The following GLIS3 variants were observed in gnomAD, a reference collection of about 807,000 sequenced individuals.
GLIS3 encodes the protein zinc finger protein GLIS3.
GLIS3 carries 53 observed loss-of-function variants against 78.6 expected under a neutral mutation model. That is an observed-to-expected ratio of 0.67 (90% CI 0.54 to 0.85). The LOEUF is 0.85. GLIS3 is among the 40% of genes least tolerant of loss of function. The pLI is 0.00. For synonymous variants in GLIS3, 684 were observed against 509.9 expected, an observed-to-expected ratio of 1.34 and a Z score of -4.60; for missense variants, 1,703 against 1,231.1, an observed-to-expected ratio of 1.38 and a Z score of -5.74.
At chr9:4,267,076 C>T (rs914782632) in intron 2 of GLIS3, among the ~76,000 whole-genome samples, 1 of 152,110 alleles carries the variant, frequency 6.6e-6, no homozygotes, top group African/African-American at 2.4e-5. Flanking sequence ...AATGCATGAG[C>T]GTAAAGGTGA....
chr9:4,119,896 G>C (rs1475692071), intron 3 of GLIS3, among the ~76,000 whole-genome samples: 1 of 152,192 alleles, frequency 6.6e-6, no homozygotes. Flanking sequence ...CTAACTTTAA[G>C]TGTGAAAATA....
intron 2 of GLIS3, among the ~76,000 whole-genome samples, chr9:4,215,310 G>A (rs919472175): frequency 6.9e-6 from 1 of 144,800 alleles, no homozygotes; most frequent in East Asian, 2.0e-4. Flanking sequence ...GGAGAGATGA[G>A]AGGAGTGTGT....
chr9:4,341,171 C>T (rs566712493), intron 2 of GLIS3, among the ~76,000 whole-genome samples: 53 of 152,326 alleles, frequency 3.5e-4, no homozygotes, highest in African/African-American at 1.1e-3. Flanking sequence ...GATCCACAGG[C>T]TTGTGCAATA....
intron 6 of GLIS3, among the ~76,000 whole-genome samples, chr9:3,910,239 A>C (rs943438684): frequency 2.0e-5 from 3 of 152,254 alleles, no homozygotes; most frequent in African/African-American, 7.2e-5. Context: ...AAGCTTCAAA[A>C]TGCTGTAGTA....
chr9:3,988,425 T>C (rs1276201345), intron 4 of GLIS3, among the ~76,000 whole-genome samples: 1 of 152,138 alleles, frequency 6.6e-6, no homozygotes, highest in African/African-American at 2.4e-5. Context: ...AAGACGATGA[T>C]AAAAATGGGA....
intron 2 of GLIS3, among the ~76,000 whole-genome samples, chr9:4,190,048 A>G (rs577732285): frequency 6.6e-6 from 1 of 152,282 alleles, no homozygotes; most frequent in South Asian, 2.1e-4. Flanking sequence ...ACCATCATCA[A>G]AGACCAAAAG....
At chr9:3,918,994 T>A (rs968738306) in intron 6 of GLIS3, among the ~76,000 whole-genome samples, 4 of 152,068 alleles carry the variant, frequency 2.6e-5, no homozygotes, top group African/African-American at 9.7e-5. Flanking sequence ...CCTACATATA[T>A]GGAAGAGGGT....
intron 2 of GLIS3, among the ~76,000 whole-genome samples, chr9:4,318,018 G>A (rs1817466464): frequency 6.6e-6 from 1 of 152,190 alleles, no homozygotes; most frequent in Admixed American, 6.5e-5. Flanking sequence ...TGTGTATAAT[G>A]TCAGAAAAGC....
At chr9:4,102,339 G>T (rs10974334) in intron 4 of GLIS3, among the ~76,000 whole-genome samples, 98,523 of 152,058 alleles carry the variant, frequency 0.65, 35,754 homozygotes, top group East Asian at 0.95. Flanking sequence ...TAAGCGAAGT[G>T]GTTTTTTAAG....
intron 4 of GLIS3, among the ~76,000 whole-genome samples, chr9:3,943,092 C>G (rs1267042584): frequency 6.6e-6 from 1 of 152,144 alleles, no homozygotes; most frequent in Non-Finnish European, 1.5e-5. Context: ...TCTGATTTTG[C>G]TTCTCCTTCG....
the GLIS3 span, among the ~76,000 whole-genome samples, chr9:4,452,830 AC>A: frequency 6.6e-6 from 1 of 151,504 alleles, no homozygotes; most frequent in East Asian, 1.9e-4. Context: ...TTCATATGGA[AC>A]CAAAAAAGAG....
At chr9:3,870,202 C>G (rs1024074781) in intron 8 of GLIS3, among the ~76,000 whole-genome samples, 1 of 152,050 alleles carries the variant, frequency 6.6e-6, no homozygotes, top group Non-Finnish European at 1.5e-5. Context: ...ACCTGTGAGA[C>G]TACAAAATTA....
intron 2 of GLIS3, among the ~76,000 whole-genome samples, chr9:4,283,076 T>C (rs1827694101): frequency 8.3e-6 from 1 of 120,620 alleles, no homozygotes; most frequent in Non-Finnish European, 1.7e-5. Context: ...CATGCAAATA[T>C]ATGCGTGCAC....
intron 2 of GLIS3, among the ~76,000 whole-genome samples, chr9:4,225,554 T>A (rs1821698500): frequency 6.6e-6 from 1 of 152,166 alleles, no homozygotes; most frequent in African/African-American, 2.4e-5. Context: ...AACTGCCTCT[T>A]GAGTCACTAT....
chr9:4,287,628 G>A (rs911777591), intron 1 of GLIS3, among the ~76,000 whole-genome samples: 10 of 152,298 alleles, frequency 6.6e-5, no homozygotes, highest in Middle Eastern at 3.4e-3. Flanking sequence ...GTACAAAGCA[G>A]GAGTGACCAG....
upstream of GLIS3, among the ~76,000 whole-genome samples, chr9:4,353,177 C>T (rs763287073): frequency 9.2e-5 from 14 of 152,178 alleles, no homozygotes; most frequent in Non-Finnish European, 1.9e-4. Context: ...CTTGACATCC[C>T]TGTGCCATTA....
chr9:4,077,418 G>C (rs112332235), intron 4 of GLIS3, among the ~76,000 whole-genome samples: 3 of 152,292 alleles, frequency 2.0e-5, no homozygotes, highest in South Asian at 4.1e-4. Context: ...AGAGACAGGA[G>C]AGGGACTGGG....
intron 2 of GLIS3, among the ~76,000 whole-genome samples, chr9:4,340,690 T>C (rs1817821595): frequency 6.6e-6 from 1 of 152,100 alleles, no homozygotes; most frequent in African/African-American, 2.4e-5. Flanking sequence ...GATTCTTGTT[T>C]TTGTTTAATT....
chr9:4,002,233 C>G (rs757430973), intron 4 of GLIS3, among the ~76,000 whole-genome samples: 1 of 152,098 alleles, frequency 6.6e-6, no homozygotes, highest in African/African-American at 2.4e-5. Flanking sequence ...GGAATGCAGG[C>G]GGCCTCTAGA....
Sources: gnomAD v4.1 joint callset for allele counts (sites outside exome capture counted in the v4.1 genomes callset) on GRCh38, gnomAD v4.1.1 for gene constraint, MANE v1.5 for transcripts, NCBI Gene and HGNC (gene_info 2026-07-23, HGNC 2026-07-21) for gene names.